Variants in TRMT11 observed in about 807,000 individuals in gnomAD.
The protein encoded by TRMT11 is tRNA methyltransferase 11.
In TRMT11, 53 loss-of-function variants were observed where a neutral mutation model predicts 62.8. The observed-to-expected ratio is 0.84, with a 90% CI of 0.68 to 1.06. The LOEUF is 1.06. Among genes scored for constraint, TRMT11 ranks in the 50% least tolerant of loss-of-function variants. TRMT11 has a pLI of 0.00. For synonymous variants in TRMT11, 188 were observed against 190.3 expected (o/e 0.99, Z 0.10); for missense variants, 556 against 553.4 (o/e 1.00, Z -0.05).
chr6:126,013,013 G>C lies in TRMT11; in HGVS notation c.1051G>C (p.Asp351His). 2 of 1,613,746 alleles carry C rather than the reference G, an allele frequency of 1.2e-6. No homozygotes were observed. Among genetic ancestry groups the C allele is most frequent in the Non-Finnish European group, 1.7e-6 (2 of 1,179,820 alleles). The change falls in exon 11 of 13, where the codon GAT becomes CAT. Residue 351 changes from aspartate (D) to histidine (H), a missense_variant. Asp to His is a moderately conservative substitution (Grantham distance 81, BLOSUM62 -1). Transcript: ENST00000334379. ...VPVSLSYHLS[D>H]MFLDLLNFAA... ...TGTTTCCTTGAGTTATCATCTGAGT[G>C]ATATGTTTCTTGACCTGTTAAACTT...
intron 21 of TRMT11, among the ~76,000 whole-genome samples, chr6:126,170,532 A>T (rs1778318121): frequency 6.6e-6 from 1 of 152,106 alleles, no homozygotes; most frequent in African/African-American, 2.4e-5. Flanking sequence ...ACCTGAAGGA[A>T]GCCACAGTCT....
At chr6:126,194,104 G>C (rs1778637251) in intron 1 of TRMT11, among the ~76,000 whole-genome samples, 5 of 152,156 alleles carry the variant, frequency 3.3e-5, no homozygotes, top group Admixed American at 2.0e-4. Flanking sequence ...CCATCCTGGA[G>C]AATGTTCCAT....
At chr6:126,233,824 A>G in the TRMT11 span, among the ~76,000 whole-genome samples, 1 of 152,158 alleles carries the variant, frequency 6.6e-6, no homozygotes, top group Non-Finnish European at 1.5e-5. Context: ...AATTTCTAAT[A>G]CTTTCTTGTA....
chr6:126,071,328 G>A (rs1012551721), intron 17 of TRMT11, among the ~76,000 whole-genome samples: 7 of 151,902 alleles, frequency 4.6e-5, no homozygotes, highest in African/African-American at 1.5e-4. Context: ...TTGGGCCATT[G>A]GCATTCATGT....
chr6:126,133,067 C>T (rs375693209), intron 21 of TRMT11, among the ~76,000 whole-genome samples: 38 of 151,884 alleles, frequency 2.5e-4, no homozygotes, highest in East Asian at 1.4e-3. Context: ...TCTTTTCTTC[C>T]GCAGTACAAG....
intron 1 of TRMT11, among the ~76,000 whole-genome samples, chr6:125,989,153 G>T (rs1284183551): frequency 1.5e-5 from 2 of 134,082 alleles, no homozygotes; most frequent in Admixed American, 8.2e-5. Context: ...TTTTTGAGAC[G>T]GAGTCTCGCT....
chr6:126,190,363 T>C (rs1286224228), intron 1 of TRMT11, among the ~76,000 whole-genome samples: 1 of 152,128 alleles, frequency 6.6e-6, no homozygotes, highest in Non-Finnish European at 1.5e-5. Flanking sequence ...TGAGTTCTCA[T>C]GAGAGCTGAT....
intron 21 of TRMT11, among the ~76,000 whole-genome samples, chr6:126,155,244 G>A (rs1286361344): frequency 6.6e-6 from 1 of 152,132 alleles, no homozygotes. Flanking sequence ...GCAGGGAGGT[G>A]CCACACACTT....
intron 7 of TRMT11, among the ~76,000 whole-genome samples, chr6:126,007,564 T>C (rs1793546073): frequency 6.6e-6 from 1 of 152,060 alleles, no homozygotes; most frequent in Non-Finnish European, 1.5e-5. Flanking sequence ...GTACAATTAT[T>C]AAAAGTTCAG....
chr6:126,172,227 C>G (rs1011483779), upstream of TRMT11, among the ~76,000 whole-genome samples: 6 of 152,064 alleles, frequency 3.9e-5, no homozygotes, highest in Admixed American at 3.3e-4. Flanking sequence ...TTAAGTTTAG[C>G]TGAGGAGCCA....
intron 12 of TRMT11, among the ~76,000 whole-genome samples, chr6:126,026,408 A>G (rs1773102562): frequency 6.6e-6 from 1 of 151,410 alleles, no homozygotes; most frequent in African/African-American, 2.4e-5. Context: ...TTTTTTTGAG[A>G]TAGAGTCTTA....
intron 21 of TRMT11, among the ~76,000 whole-genome samples, chr6:126,168,258 T>C (rs577789249): frequency 3.3e-4 from 50 of 152,312 alleles, no homozygotes; most frequent in Non-Finnish European, 5.6e-4. Flanking sequence ...GGGGAGTTCT[T>C]TATGGTTTCT....
intron 11 of TRMT11, among the ~76,000 whole-genome samples, chr6:126,013,367 C>T (rs1381539344): frequency 1.3e-5 from 2 of 152,064 alleles, no homozygotes; most frequent in African/African-American, 2.4e-5. Flanking sequence ...AGTGATCCTC[C>T]CACCTCAACC....
intron 17 of TRMT11, among the ~76,000 whole-genome samples, chr6:126,095,745 A>G (rs1777332246): frequency 6.6e-6 from 1 of 152,170 alleles, no homozygotes; most frequent in Admixed American, 6.5e-5. Flanking sequence ...GAAGCAACTA[A>G]CTATGCTGGG....
intron 17 of TRMT11, among the ~76,000 whole-genome samples, chr6:126,076,666 T>C (rs879269971): frequency 6.6e-6 from 1 of 152,198 alleles, no homozygotes; most frequent in Admixed American, 6.6e-5. Flanking sequence ...AAAAAAGTAC[T>C]GATTATAGCC....
intron 11 of TRMT11, among the ~76,000 whole-genome samples, chr6:126,019,892 T>C (rs919152587): frequency 1.3e-5 from 2 of 152,222 alleles, no homozygotes; most frequent in Non-Finnish European, 2.9e-5. Flanking sequence ...CATTAAAGAA[T>C]TACTAGATGA....
intron 1 of TRMT11, among the ~76,000 whole-genome samples, chr6:126,182,727 T>G (rs1004673915): frequency 6.6e-6 from 1 of 152,178 alleles, no homozygotes; most frequent in Non-Finnish European, 1.5e-5. Flanking sequence ...TTTAAAGATT[T>G]GCTCTTAGAG....
intron 21 of TRMT11, among the ~76,000 whole-genome samples, chr6:126,134,151 T>TA (rs1471829315): frequency 1.3e-5 from 2 of 151,876 alleles, no homozygotes; most frequent in African/African-American, 4.8e-5. Context: ...GCCTAATGTA[T>TA]AAATAATAAC....
intron 12 of TRMT11, among the ~76,000 whole-genome samples, chr6:126,037,039 C>G (rs1157800362): frequency 2.0e-5 from 3 of 151,956 alleles, no homozygotes; most frequent in African/African-American, 7.3e-5. Context: ...TCATCCAGTT[C>G]TACTTCTTTC....
Sources: gnomAD v4.1 joint callset for allele counts (sites outside exome capture counted in the v4.1 genomes callset) on GRCh38, gnomAD v4.1.1 for gene constraint, MANE v1.5 for transcripts, NCBI Gene and HGNC (gene_info 2026-07-23, HGNC 2026-07-21) for gene names.